DEPDC1B: variants seen among roughly 807,000 people sequenced by gnomAD.
DEPDC1B encodes DEP domain containing 1B, also known as DEP domain-containing protein 1B.
In DEPDC1B, 51 loss-of-function variants were observed where a neutral mutation model predicts 66.5. The ratio of observed to expected loss-of-function variants is 0.77; its 90% confidence interval spans 0.61 to 0.97. The LOEUF is 0.97. Ranked by LOEUF, DEPDC1B falls within the 50% of genes least tolerant of loss-of-function variation. DEPDC1B has a pLI of 0.00. For synonymous variants in DEPDC1B, 226 were observed against 223.6 expected, an observed-to-expected ratio of 1.01 and a Z score of -0.10; for missense variants, 552 against 637.1, an observed-to-expected ratio of 0.87 and a Z score of 1.44.
At chr5:60,692,465 T>G (rs984259693) in intron 1 of DEPDC1B, among the ~76,000 whole-genome samples, 8 of 152,094 alleles carry the variant, frequency 5.3e-5, no homozygotes, top group Non-Finnish European at 1.0e-4. Flanking sequence ...AGTTTACAAC[T>G]TACAAAACTA....
chr5:60,677,125 A>C (rs1754179070), intron 2 of DEPDC1B, among the ~76,000 whole-genome samples: 1 of 152,200 alleles, frequency 6.6e-6, no homozygotes, highest in Non-Finnish European at 1.5e-5. Flanking sequence ...AAATTTAAAA[A>C]TAAAAAGGAG....
At chr5:60,649,981 T>A (rs994902021) in intron 2 of DEPDC1B, among the ~76,000 whole-genome samples, 6 of 151,982 alleles carry the variant, frequency 3.9e-5, no homozygotes, top group Admixed American at 3.3e-4. Context: ...CAATGTTAAT[T>A]TTCCCCCATG....
chr5:60,674,981 G>C (rs977309112), intron 2 of DEPDC1B, among the ~76,000 whole-genome samples: 3 of 152,136 alleles, frequency 2.0e-5, no homozygotes, highest in Non-Finnish European at 2.9e-5. Context: ...GGATGCCTCT[G>C]TGTACTTCTG....
chr5:60,659,296 A>C (rs1323917344), intron 2 of DEPDC1B, among the ~76,000 whole-genome samples: 1 of 152,018 alleles, frequency 6.6e-6, no homozygotes, highest in African/African-American at 2.4e-5. Context: ...CTGGTGGCCC[A>C]TATGGGGATT....
Position 60,605,872 on chromosome 5 carries a change from A to C in DEPDC1B, c.899-16T>G, listed in dbSNP as rs753636266. The C allele has an allele frequency of 1.3e-6, 2 of 1,599,628 alleles. No homozygotes were observed. Among genetic ancestry groups the C allele is most frequent in the East Asian group, 2.2e-5 (1 of 44,796 alleles). ...TGTAACAAACCTGATTTAGAAAAAA[A>C]AAAATGTTATCTTTCAACACCTATA... On this transcript the variant is annotated splice_polypyrimidine_tract_variant and intron_variant, in intron 7 of 10. Transcript: ENST00000265036.
chr5:60,690,756 G>A, intron 1 of DEPDC1B, among the ~76,000 whole-genome samples: 1 of 151,680 alleles, frequency 6.6e-6, no homozygotes, highest in African/African-American at 2.4e-5. Context: ...TGTTTTGCTT[G>A]TTTGTTTGTT....
intron 3 of DEPDC1B, among the ~76,000 whole-genome samples, chr5:60,647,108 G>A (rs1244210140): frequency 6.9e-6 from 1 of 145,486 alleles, no homozygotes; most frequent in African/African-American, 2.5e-5. Context: ...CACCCCAGCA[G>A]CCCTGGTCCA....
chr5:60,664,223 G>A (rs553453307), intron 2 of DEPDC1B, among the ~76,000 whole-genome samples: 11 of 152,276 alleles, frequency 7.2e-5, no homozygotes, highest in South Asian at 2.1e-4. Flanking sequence ...ACACATGTCC[G>A]AGAGACCAGC....
chr5:60,640,551 T>G (rs1375996408), intron 6 of DEPDC1B, among the ~76,000 whole-genome samples: 7 of 152,152 alleles, frequency 4.6e-5, no homozygotes, highest in African/African-American at 1.4e-4. Flanking sequence ...TGCTTTGACT[T>G]TTTTGTGTCT....
intron 2 of DEPDC1B, among the ~76,000 whole-genome samples, chr5:60,656,350 C>A (rs532935598): frequency 6.6e-6 from 1 of 151,926 alleles, no homozygotes; most frequent in African/African-American, 2.4e-5. Context: ...TCAGTAGAGA[C>A]GGGGTTTCAC....
chr5:60,662,851 T>C (rs1285781805), intron 2 of DEPDC1B, among the ~76,000 whole-genome samples: 3 of 152,074 alleles, frequency 2.0e-5, no homozygotes, highest in Non-Finnish European at 4.4e-5. Context: ...TGCTTGACCA[T>C]TGAGGGACAG....
intron 9 of DEPDC1B, among the ~76,000 whole-genome samples, chr5:60,600,175 A>G (rs1393643377): frequency 6.6e-6 from 1 of 152,186 alleles, no homozygotes; most frequent in African/African-American, 2.4e-5. Flanking sequence ...CTAAGCTTTT[A>G]GGAAGAGAGG....
intron 7 of DEPDC1B, among the ~76,000 whole-genome samples, chr5:60,625,154 A>C (rs1752784631): frequency 1.3e-5 from 2 of 152,154 alleles, no homozygotes; most frequent in Non-Finnish European, 2.9e-5. Context: ...ACTGATGGAC[A>C]TTTGGGTTGG....
At chr5:60,664,460 T>C (rs1052306598) in intron 2 of DEPDC1B, among the ~76,000 whole-genome samples, 9 of 152,240 alleles carry the variant, frequency 5.9e-5, no homozygotes, top group African/African-American at 2.2e-4. Context: ...TCAGGCTCTA[T>C]TACTTGAAGG....
chr5:60,634,507 C>T (rs1752996696), intron 7 of DEPDC1B, among the ~76,000 whole-genome samples: 1 of 151,808 alleles, frequency 6.6e-6, no homozygotes, highest in Non-Finnish European at 1.5e-5. Context: ...CCCGCCTCTA[C>T]TAAAAATACA....
At chr5:60,659,584 G>A (rs1753659884) in intron 2 of DEPDC1B, among the ~76,000 whole-genome samples, 2 of 152,262 alleles carry the variant, frequency 1.3e-5, no homozygotes, top group Middle Eastern at 3.4e-3. Flanking sequence ...CTGTCATCCC[G>A]AACTCCTGGC....
intron 1 of DEPDC1B, among the ~76,000 whole-genome samples, chr5:60,693,877 AAAAAAGATT>A (rs1216533011): frequency 6.6e-6 from 1 of 152,130 alleles, no homozygotes; most frequent in Non-Finnish European, 1.5e-5. Context: ...AAGGGGTAAT[AAAAAAGATT>A]TTTGTTTATG....
chr5:60,691,055 CTT>C (rs58826050), intron 1 of DEPDC1B, among the ~76,000 whole-genome samples: 295 of 139,250 alleles, frequency 2.1e-3, no homozygotes, highest in African/African-American at 5.6e-3. Context: ...ACTTTTTCTA[CTT>C]TTTTTTTTTT....
chr5:60,682,781 G>A (rs1584099831), intron 2 of DEPDC1B, among the ~76,000 whole-genome samples: 1 of 152,080 alleles, frequency 6.6e-6, no homozygotes, highest in Non-Finnish European at 1.5e-5. Flanking sequence ...CAAGTAACAA[G>A]ATTGAATCAC....
Sources: allele counts gnomAD v4.1 joint callset (sites outside exome capture counted in the v4.1 genomes callset), GRCh38; gene constraint gnomAD v4.1.1; transcripts MANE v1.5; gene names NCBI Gene and HGNC (gene_info 2026-07-23, HGNC 2026-07-21).